NRXN1: variants seen among roughly 807,000 people sequenced by gnomAD.
The protein encoded by NRXN1 is neurexin 1.
Under a neutral mutation model 150.9 loss-of-function variants are expected in NRXN1, and 39 were observed. That is an observed-to-expected ratio of 0.26 (90% CI 0.20 to 0.34). The LOEUF (loss-of-function observed/expected upper bound fraction) is 0.34, where lower values mean the gene tolerates loss of function less well. Ranked by LOEUF, NRXN1 falls within the 10% of genes least tolerant of loss-of-function variation. The pLI, the probability that NRXN1 is intolerant of heterozygous loss-of-function variation, is 1.00. For missense variants in NRXN1, 1,815 were observed against 1,949.9 expected, an observed-to-expected ratio of 0.93 and a Z score of 1.30; for synonymous variants, 924 against 757.0, an observed-to-expected ratio of 1.22 and a Z score of -3.62.
chr2:49,969,023 C>T (rs1452885839), intron 21 of NRXN1, among the ~76,000 whole-genome samples: 1 of 151,994 alleles, frequency 6.6e-6, no homozygotes, highest in East Asian at 1.9e-4. Flanking sequence ...TTAGTAATTA[C>T]TTATATATTT....
intron 2 of NRXN1, among the ~76,000 whole-genome samples, chr2:50,963,408 A>G (rs909906228): frequency 2.6e-5 from 4 of 151,596 alleles, no homozygotes; most frequent in African/African-American, 9.7e-5. Context: ...ATACTGGTCA[A>G]ATGGACAACG....
intron 22 of NRXN1, among the ~76,000 whole-genome samples, chr2:49,931,258 C>T (rs954338003): frequency 3.3e-5 from 5 of 152,128 alleles, no homozygotes; most frequent in Non-Finnish European, 7.4e-5. Flanking sequence ...GCAGTAAAAA[C>T]GATAAATGTA....
intron 5 of NRXN1, among the ~76,000 whole-genome samples, chr2:50,897,661 C>T (rs1682206907): frequency 6.6e-6 from 1 of 152,192 alleles, no homozygotes; most frequent in African/African-American, 2.4e-5. Flanking sequence ...AAGCCACACA[C>T]AAGAGCACAT....
At chr2:50,196,977 G>A (rs1176461252) in intron 18 of NRXN1, among the ~76,000 whole-genome samples, 1 of 152,114 alleles carries the variant, frequency 6.6e-6, no homozygotes, top group East Asian at 1.9e-4. Flanking sequence ...ACAGCTTGGT[G>A]ATTAAATGAT....
chr2:49,984,601 C>T (rs1680582605), intron 21 of NRXN1, among the ~76,000 whole-genome samples: 1 of 151,958 alleles, frequency 6.6e-6, no homozygotes, highest in Admixed American at 6.6e-5. Context: ...CAGGAAAGCA[C>T]TGTATTGGGC....
intron 19 of NRXN1, among the ~76,000 whole-genome samples, chr2:50,082,786 A>G (rs1258887631): frequency 6.6e-6 from 1 of 152,174 alleles, no homozygotes; most frequent in Non-Finnish European, 1.5e-5. Flanking sequence ...ACACAGTTGC[A>G]AAAAGGATTA....
intron 5 of NRXN1, chr2:50,696,335 T>G (rs757967118): frequency 6.6e-6 from 1 of 152,498 alleles, no homozygotes; most frequent in Non-Finnish European, 1.5e-5. Context: ...TTCACACAGA[T>G]AGCTGACAGT....
intron 2 of NRXN1, among the ~76,000 whole-genome samples, chr2:50,986,113 T>C (rs912391090): frequency 2.6e-5 from 4 of 151,892 alleles, no homozygotes; most frequent in Middle Eastern, 3.4e-3. Context: ...AACATACAGT[T>C]AACTTTCATT....
intron 2 of NRXN1, among the ~76,000 whole-genome samples, chr2:50,958,081 T>C (rs1692554200): frequency 6.6e-6 from 1 of 152,178 alleles, no homozygotes; most frequent in Admixed American, 6.6e-5. Context: ...ATTGTCTCAG[T>C]GCCTTTCTGG....
At chr2:50,218,127 C>G (rs563390945) in intron 18 of NRXN1, among the ~76,000 whole-genome samples, 1 of 152,012 alleles carries the variant, frequency 6.6e-6, no homozygotes, top group African/African-American at 2.4e-5. Context: ...TTCAGTGCTT[C>G]CATTATTGTC....
intron 17 of NRXN1, among the ~76,000 whole-genome samples, chr2:50,361,848 C>G (rs2079231854): frequency 6.6e-6 from 1 of 152,122 alleles, no homozygotes; most frequent in South Asian, 2.1e-4. Context: ...CGAAAATCCT[C>G]AATAAAATAC....
intron 17 of NRXN1, 79 bp downstream of exon 17, chr2:50,465,363 T>A: frequency 7.2e-7 from 1 of 1,386,990 alleles, no homozygotes; most frequent in Non-Finnish European, 9.7e-7. Context: ...ATATAAGGAC[T>A]TTCAGTGTTA....
intron 8 of NRXN1, among the ~76,000 whole-genome samples, chr2:50,586,292 T>A (rs369731402): frequency 6.6e-6 from 1 of 152,228 alleles, no homozygotes; most frequent in Admixed American, 6.5e-5. Flanking sequence ...TCTGTGAACA[T>A]CTTATAAAAA....
intron 2 of NRXN1, among the ~76,000 whole-genome samples, chr2:50,981,303 CA>C (rs1238549156): frequency 6.6e-6 from 1 of 151,036 alleles, no homozygotes; most frequent in African/African-American, 2.4e-5. Context: ...CAAAAAATAA[CA>C]AAAATTAGCC....
intron 17 of NRXN1, among the ~76,000 whole-genome samples, chr2:50,313,304 T>C (rs1461745347): frequency 1.3e-5 from 2 of 152,144 alleles, no homozygotes; most frequent in Admixed American, 6.6e-5. Context: ...ATTATACTAT[T>C]ATGATTTGAT....
At chr2:50,510,878 G>T (rs2092428192) in intron 12 of NRXN1, among the ~76,000 whole-genome samples, 1 of 152,116 alleles carries the variant, frequency 6.6e-6, no homozygotes, top group South Asian at 2.1e-4. Context: ...TCAGAATTCA[G>T]CTCTACAGGC....
rs200631737 is a variant in NRXN1, at chr2:51,028,223, C to A, written c.51G>T (p.Ser17=). 13 of 1,477,038 alleles carry A rather than the reference C, an allele frequency of 8.8e-6. No individual in the cohort carries two copies. Among genetic ancestry groups the A allele is most frequent in the Non-Finnish European group, 1.2e-5 (13 of 1,121,134 alleles). The allele number at this position is 1,477,038 out of a possible 1,614,324, so 91.5% of individuals were successfully genotyped here. ...QRGGCFLLCL[S]LLLLGCWAEL... ...CCGCCCAGCAGCCCAGGAGCAGCAG[C>A]GAGAGGCACAGAAGAAAACAGCCCC... Residue 17 remains serine (S), a synonymous_variant, in exon 2 of 23, where the codon TCG becomes TCT. Transcript: ENST00000401669.
rs1558610072 is a variant in NRXN1, at chr2:51,026,372, TTC to T, written c.772+1128_772+1129del. 4.4e-6 allele frequency: 7 copies of T among 1,580,214 alleles called. No homozygotes were observed. Among genetic ancestry groups the T allele is most frequent in the Non-Finnish European group, 6.0e-6 (7 of 1,158,436 alleles). ...GTCTTTTTCACACCACTCACTCACTTTCTGTTAGAGGCTTTGCTGTATTTATA... is the reference window on the plus strand; with the variant it reads ...GTCTTTTTCACACCACTCACTCACTTTGTTAGAGGCTTTGCTGTATTTATA... On this transcript the variant is annotated intron_variant, in intron 2 of 22. Coordinates refer to ENST00000401669, the MANE Select transcript of NRXN1 (RefSeq NM_001330078.2).
Position 49,950,928 on chromosome 2 carries a change from T to C in NRXN1, c.4129-7137A>G, listed in dbSNP as rs145089596. On this transcript the variant is annotated intron_variant, in intron 21 of 22. Transcript: ENST00000401669. Reference sequence around the variant, plus strand: ...TGATGCCCTAGGCTATTACAAAAAGTGACCATAAATCAGCTGTCTGCTTGG... The same window carrying C: ...TGATGCCCTAGGCTATTACAAAAAGCGACCATAAATCAGCTGTCTGCTTGG... Among the ~76,000 whole-genome samples, 164 of 152,108 alleles carry C rather than the reference T, an allele frequency of 1.1e-3. 5 individuals are homozygous for C. In the East Asian group the frequency reaches 0.029, roughly 27 times the overall value.
Sources: allele counts gnomAD v4.1 joint callset (sites outside exome capture counted in the v4.1 genomes callset), GRCh38; gene constraint gnomAD v4.1.1; transcripts MANE v1.5; gene names NCBI Gene and HGNC (gene_info 2026-07-23, HGNC 2026-07-21).